The following FMNL2 variants were observed in gnomAD, a reference collection of about 807,000 sequenced individuals.
The protein encoded by FMNL2 is formin like 2.
FMNL2 carries 51 observed loss-of-function variants against 130.2 expected under a neutral mutation model. The observed-to-expected ratio is 0.39, with a 90% confidence interval of 0.31 to 0.49. The LOEUF (loss-of-function observed/expected upper bound fraction) is 0.49, where lower values mean the gene tolerates loss of function less well. Among genes scored for constraint, FMNL2 ranks in the 20% least tolerant of loss-of-function variants. The pLI, the probability that FMNL2 is intolerant of heterozygous loss-of-function variation, is 0.85. For missense variants in FMNL2, 977 were observed against 1,316.2 expected, an observed-to-expected ratio of 0.74 and a Z score of 3.99; for synonymous variants, 465 against 467.1, an observed-to-expected ratio of 1.00 and a Z score of 0.06.
rs139139295 is a variant in FMNL2, at chr2:152,539,561, T to G, written c.202-3178T>G. On this transcript the variant is annotated intron_variant, in intron 2 of 25. Transcript: ENST00000288670. The stretch of plus-strand genomic sequence containing the variant: ...GCATGAGGCTTCCTTATTTTCTCTT[T>G]CTTAATACATCAGTAAGCTGCTCAA... 74 of 152,342 alleles carry G rather than the reference T, an allele frequency of 4.9e-4. No homozygotes were observed. The East Asian group carries it at 0.013, about 27-fold the overall frequency. The allele number at this position is 152,342 out of a possible 1,614,324, so 9.4% of individuals were successfully genotyped here. A position where few individuals can be genotyped will look rare whatever the true frequency, so the allele number is the denominator to read the frequency against.
intron 1 of FMNL2, among the ~76,000 whole-genome samples, chr2:152,369,893 T>C (rs1683776564): frequency 6.6e-6 from 1 of 152,190 alleles, no homozygotes; most frequent in African/African-American, 2.4e-5. Flanking sequence ...CTTTTTGCTT[T>C]TAGAGTTTTG....
At chr2:152,633,077 G>A (rs1682286957) in intron 21 of FMNL2, among the ~76,000 whole-genome samples, 1 of 151,180 alleles carries the variant, frequency 6.6e-6, no homozygotes, top group Non-Finnish European at 1.5e-5. Flanking sequence ...CAATTTGCAT[G>A]TCCATTGCAA....
intron 8 of FMNL2, 57 bp from the exon 9 acceptor site, chr2:152,580,899 G>A: frequency 6.7e-7 from 1 of 1,484,228 alleles, no homozygotes; most frequent in African/African-American, 1.4e-5. Flanking sequence ...GGAAGAAACA[G>A]CTGACTCATC....
intron 9 of FMNL2, among the ~76,000 whole-genome samples, chr2:152,601,619 G>A (rs909137890): frequency 2.0e-5 from 3 of 148,536 alleles, no homozygotes; most frequent in Non-Finnish European, 4.5e-5. Flanking sequence ...CTTAAAGTAT[G>A]GCTTGCAAAC....
intron 2 of FMNL2, among the ~76,000 whole-genome samples, chr2:152,539,735 A>T (rs1457096963): frequency 2.0e-5 from 3 of 152,218 alleles, no homozygotes; most frequent in Non-Finnish European, 4.4e-5. Flanking sequence ...TATGTATTTG[A>T]GTAAGCCTTC....
At chr2:152,597,319 G>A (rs1266622361) in intron 9 of FMNL2, among the ~76,000 whole-genome samples, 2 of 152,184 alleles carry the variant, frequency 1.3e-5, no homozygotes, top group Non-Finnish European at 2.9e-5. Context: ...TTTCAAGTAA[G>A]AACAAAGAGT....
At chr2:152,616,544 C>A (rs1698961546) in intron 12 of FMNL2, among the ~76,000 whole-genome samples, 2 of 152,042 alleles carry the variant, frequency 1.3e-5, no homozygotes, top group South Asian at 2.1e-4. Context: ...GTTGGCCAGG[C>A]TGGTCTCAAA....
intron 7 of FMNL2, chr2:152,578,605 TTG>T (rs1696604359): frequency 2.9e-5 from 6 of 205,132 alleles, no homozygotes; most frequent in South Asian, 1.8e-4. Context: ...TTTTTTTTTT[TTG>T]AGAGATGTGG....
intron 1 of FMNL2, among the ~76,000 whole-genome samples, chr2:152,490,841 G>A (rs1157169062): frequency 6.6e-6 from 1 of 152,078 alleles, no homozygotes; most frequent in Non-Finnish European, 1.5e-5. Context: ...AGATGGGTGG[G>A]GATGGAAAGG....
At chr2:152,635,102 G>T (rs970000620) in intron 21 of FMNL2, among the ~76,000 whole-genome samples, 1 of 152,116 alleles carries the variant, frequency 6.6e-6, no homozygotes, top group African/African-American at 2.4e-5. Context: ...TGAAAGCAAC[G>T]ATTTTTTAAA....
chr2:152,529,237 G>A (rs1247686877), intron 2 of FMNL2, among the ~76,000 whole-genome samples: 2 of 152,190 alleles, frequency 1.3e-5, no homozygotes, highest in East Asian at 1.9e-4. Flanking sequence ...GACATGGAGT[G>A]TGGATCTGAG....
In FMNL2 at chr2:152,561,043, C is replaced by G. The variant is rs750994513; in HGVS notation, c.596+8C>G. On this transcript the variant is annotated splice_region_variant and intron_variant, in intron 6 of 25. Coordinates refer to ENST00000288670, the MANE Select transcript of FMNL2 (RefSeq NM_052905.4). ...AAGACATTCTGCACTGCGGTGAGTT[C>G]GTTTAATCAGGAGGCAACTTTGGCA... 1.3e-6 allele frequency: 2 copies of G among 1,582,996 alleles called. No homozygotes were observed. The highest frequency in any genetic ancestry group is 1.8e-5 in the Admixed American group (1 of 56,008).
intron 1 of FMNL2, among the ~76,000 whole-genome samples, chr2:152,436,585 G>A (rs1687778832): frequency 6.6e-6 from 1 of 152,104 alleles, no homozygotes; most frequent in Non-Finnish European, 1.5e-5. Context: ...CTCTTTTTGT[G>A]CCTTACTATT....
chr2:152,524,804 G>A (rs1693294987), intron 2 of FMNL2, among the ~76,000 whole-genome samples: 1 of 152,112 alleles, frequency 6.6e-6, no homozygotes, highest in African/African-American at 2.4e-5. Flanking sequence ...AGCACAGTGG[G>A]TACTGTGGAT....
intron 9 of FMNL2, among the ~76,000 whole-genome samples, chr2:152,601,859 G>A (rs553075423): frequency 6.7e-6 from 1 of 149,044 alleles, no homozygotes; most frequent in East Asian, 2.0e-4. Context: ...TAGTAGAAAC[G>A]GGGTTTCACC....
chr2:152,492,791 TTATTGAACTCCC>T (rs1376125063), intron 1 of FMNL2, among the ~76,000 whole-genome samples: 1 of 152,246 alleles, frequency 6.6e-6, no homozygotes, highest in African/African-American at 2.4e-5. Context: ...CTACTTTGCT[TTATTGAACTCCC>T]TAAGTGAAAT....
intron 9 of FMNL2, among the ~76,000 whole-genome samples, chr2:152,582,670 A>C (rs938077748): frequency 8.5e-5 from 13 of 152,308 alleles, no homozygotes; most frequent in Admixed American, 3.3e-4. Flanking sequence ...ATCATGTATA[A>C]ATATATAAAT....
intron 1 of FMNL2, among the ~76,000 whole-genome samples, chr2:152,380,444 C>A (rs1450751779): frequency 6.6e-6 from 1 of 152,198 alleles, no homozygotes; most frequent in Admixed American, 6.5e-5. Flanking sequence ...TGTGTGTAGT[C>A]AGTTCTTACA....
intron 9 of FMNL2, among the ~76,000 whole-genome samples, chr2:152,587,973 C>A (rs1198974102): frequency 6.6e-6 from 1 of 152,198 alleles, no homozygotes; most frequent in Non-Finnish European, 1.5e-5. Context: ...CAAAGTAGGG[C>A]TGGAGGCAGA....
Sources: gnomAD v4.1 joint callset for allele counts (sites outside exome capture counted in the v4.1 genomes callset) on GRCh38, gnomAD v4.1.1 for gene constraint, MANE v1.5 for transcripts, NCBI Gene and HGNC (gene_info 2026-07-23, HGNC 2026-07-21) for gene names.